VIPR2: variants seen among roughly 807,000 people sequenced by gnomAD.
The protein encoded by VIPR2 is vasoactive intestinal polypeptide receptor 2.
Under a neutral mutation model 58.0 loss-of-function variants are expected in VIPR2, and 48 were observed. That is an observed-to-expected ratio of 0.83 (90% CI 0.66 to 1.05). The LOEUF (loss-of-function observed/expected upper bound fraction) is 1.05, where lower values mean the gene tolerates loss of function less well. Among genes scored for constraint, VIPR2 ranks in the 50% least tolerant of loss-of-function variants. VIPR2 has a pLI of 0.00. For synonymous variants in VIPR2, 243 were observed against 235.2 expected (o/e 1.03, Z -0.30); for missense variants, 534 against 558.0 (o/e 0.96, Z 0.43).
At position 159,127,297 on chromosome 7, in the gene VIPR2, A is replaced by C. The variant is rs180854136; in HGVS notation, c.151+15149T>G. 2.4e-3 allele frequency among the ~76,000 whole-genome samples: 364 copies of C among 152,320 alleles called. 2 individuals carry two copies. The highest frequency in any genetic ancestry group is 8.4e-3 in the African/African-American group (348 of 41,556). On this transcript the variant is annotated intron_variant, in intron 2 of 12. Transcript: ENST00000262178. The surrounding 1 kb of genome is among the most constrained non-coding windows in gnomAD (Gnocchi z 4.6). Reference sequence around the variant, plus strand: ...ATCACAGCAGAATTCTGAATTTCAGAAACAGCGGTTTGATTCTGGGTTGGG... The same window carrying C: ...ATCACAGCAGAATTCTGAATTTCAGCAACAGCGGTTTGATTCTGGGTTGGG...
chr7:159,126,542 C>G (rs141819683), intron 2 of VIPR2, among the ~76,000 whole-genome samples: 9 of 152,194 alleles, frequency 5.9e-5, no homozygotes, highest in Non-Finnish European at 1.3e-4. Context: ...AAGGAGCATG[C>G]CCTGGAATGC....
At chr7:159,082,692 G>A (rs978094442) in intron 4 of VIPR2, among the ~76,000 whole-genome samples, 1 of 152,162 alleles carries the variant, frequency 6.6e-6, no homozygotes, top group African/African-American at 2.4e-5. Flanking sequence ...ATTTCCTTTG[G>A]GTTTCTAAGG....
chr7:159,061,702 C>A (rs189649378), intron 4 of VIPR2, among the ~76,000 whole-genome samples: 84 of 152,292 alleles, frequency 5.5e-4, no homozygotes, highest in African/African-American at 1.9e-3. Flanking sequence ...ATCCATACTT[C>A]CACCCTTACT....
chr7:159,081,993 A>C (rs1242883053), intron 4 of VIPR2, among the ~76,000 whole-genome samples: 3 of 152,230 alleles, frequency 2.0e-5, no homozygotes, highest in Non-Finnish European at 4.4e-5. Flanking sequence ...GTGGAGAAAT[A>C]GGAACACTTT....
At chr7:159,143,562 C>T (rs562097054) in intron 1 of VIPR2, among the ~76,000 whole-genome samples, 1 of 152,306 alleles carries the variant, frequency 6.6e-6, no homozygotes, top group East Asian at 1.9e-4. Flanking sequence ...CCACCTTCAG[C>T]CCCATTTAAA....
chr7:159,122,586 C>T (rs1796495694), intron 2 of VIPR2, among the ~76,000 whole-genome samples: 1 of 152,166 alleles, frequency 6.6e-6, no homozygotes, highest in African/African-American at 2.4e-5. Flanking sequence ...TTTCTGAGTC[C>T]CTGCCTCTAA....
intron 7 of VIPR2, among the ~76,000 whole-genome samples, chr7:159,036,243 C>T (rs1177052000): frequency 6.6e-6 from 1 of 152,226 alleles, no homozygotes; most frequent in African/African-American, 2.4e-5. Context: ...TGCCATTCCT[C>T]ATGAGAAGGG....
rs1225184714 is a variant in VIPR2 at position 159,035,964 on chromosome 7, A to G, written c.797T>C (p.Leu266Ser). 1 of 1,613,584 alleles carries G rather than the reference A, an allele frequency of 6.2e-7. No individual in the cohort carries two copies. The highest frequency in any genetic ancestry group is 1.7e-5 in the Admixed American group (1 of 59,978). ...GTCATGGACTCACCCGGTGTCTTCT[A>G]AGTAGAGCCTGGCCGCAGTCCATGC... ...IGAWTAARLY[L>S]EDTGCWDTND... The change falls in exon 8 of 13, where the codon TTA becomes TCA. Residue 266 changes from leucine to serine, a missense_variant. Leu to Ser is a moderately radical substitution (Grantham distance 145). This residue lies in a region of VIPR2 where 306 missense variants were observed against 285.8 expected (regional missense o/e 1.07). Coordinates refer to ENST00000262178, the MANE Select transcript of VIPR2 (RefSeq NM_003382.5).
At position 159,126,816 on chromosome 7, in the gene VIPR2, ATTCG is replaced by A. The variant is rs560159067; in HGVS notation, c.151+15626_151+15629del. On this transcript the variant is annotated intron_variant, in intron 2 of 12. Coordinates refer to ENST00000262178, the MANE Select transcript of VIPR2 (RefSeq NM_003382.5). ...TTTCTTCTACTTGGCAGTAATGAGC[ATTCG>A]TTTCTCCAGCAAACGTTTACTGAGC... Among the ~76,000 whole-genome samples the A allele has an allele frequency of 8.0e-4, 122 of 152,354 alleles. 7 individuals carry two copies. The South Asian group carries it at 0.024, about 30-fold the overall frequency.
At position 159,127,147 on chromosome 7, in the gene VIPR2, C is replaced by T. The variant is rs556964491; in HGVS notation, c.151+15299G>A. Among the ~76,000 whole-genome samples, 11 of 152,338 alleles carry T rather than the reference C, an allele frequency of 7.2e-5. No homozygotes were observed. The highest frequency in any genetic ancestry group is 2.1e-4 in the South Asian group (1 of 4,824). ...GGATTTTCTTCAGATGACTCAGATA[C>T]GCTGACATTCTGTCTAATTAGTGCG... On this transcript the variant is annotated intron_variant, in intron 2 of 12. Coordinates refer to ENST00000262178, the MANE Select transcript of VIPR2 (RefSeq NM_003382.5). The surrounding 1 kb of genome is among the most constrained non-coding windows in gnomAD (Gnocchi z 4.6).
intron 5 of VIPR2, among the ~76,000 whole-genome samples, chr7:159,049,319 A>C (rs1404908395): frequency 1.3e-5 from 2 of 152,234 alleles, no homozygotes; most frequent in Non-Finnish European, 2.9e-5. Flanking sequence ...TCAGGAAAGG[A>C]TCAGGGTGAT....
chr7:159,123,106 A>G (rs1208087471), intron 2 of VIPR2, among the ~76,000 whole-genome samples: 1 of 152,034 alleles, frequency 6.6e-6, no homozygotes, highest in East Asian at 1.9e-4. Context: ...CATCCTGGCT[A>G]ACATGGTGAA....
intron 6 of VIPR2, among the ~76,000 whole-genome samples, chr7:159,040,146 A>C (rs569646440): frequency 6.6e-6 from 1 of 152,318 alleles, no homozygotes; most frequent in Non-Finnish European, 1.5e-5. Context: ...GGGGAATGAC[A>C]AGGCCTCTAC....
chr7:159,046,042 G>GTAA (rs1227652679), intron 5 of VIPR2, among the ~76,000 whole-genome samples: 1 of 151,828 alleles, frequency 6.6e-6, no homozygotes, highest in Admixed American at 6.6e-5. Context: ...GATGGCAATA[G>GTAA]TAATAATAAT....
chr7:159,054,811 G>T (rs1585373851), intron 5 of VIPR2, among the ~76,000 whole-genome samples: 1 of 152,060 alleles, frequency 6.6e-6, no homozygotes, highest in African/African-American at 2.4e-5. Flanking sequence ...CATATTTATG[G>T]GGTATACTTT....
chr7:159,046,364 A>ATC (rs1854648851), intron 5 of VIPR2, among the ~76,000 whole-genome samples: 2 of 152,228 alleles, frequency 1.3e-5, no homozygotes, highest in Non-Finnish European at 2.9e-5. Flanking sequence ...TATCCATACA[A>ATC]CTAAATACTA....
chr7:159,112,082 T>C lies in VIPR2; in HGVS notation c.152-2163A>G, dbSNP rs556670580. ...CATAATACAAATTATAATGCAATAA[T>C]TATATACTGTATAATACTAATTGCT... On this transcript the variant is annotated intron_variant, in intron 2 of 12. Coordinates refer to ENST00000262178, the MANE Select transcript of VIPR2 (RefSeq NM_003382.5). Among the ~76,000 whole-genome samples, 7 of 152,352 alleles carry C rather than the reference T, an allele frequency of 4.6e-5. No homozygotes were observed. In the South Asian group the frequency reaches 1.5e-3, roughly 32 times the overall value.
At chr7:159,138,506 CG>C (rs1270125830) in intron 2 of VIPR2, among the ~76,000 whole-genome samples, 17 of 152,176 alleles carry the variant, frequency 1.1e-4, no homozygotes, top group Non-Finnish European at 7.3e-5. Context: ...AAAATACTGT[CG>C]GCTACCTAAA....
chr7:159,139,227 A>G (rs2129498109), intron 2 of VIPR2, among the ~76,000 whole-genome samples: 1 of 152,368 alleles, frequency 6.6e-6, no homozygotes, highest in South Asian at 2.1e-4. Context: ...GATAATTACA[A>G]TACCATCTCT....
Sources: gnomAD v4.1 joint callset for allele counts (sites outside exome capture counted in the v4.1 genomes callset) on GRCh38, gnomAD v4.1.1 for gene constraint, gnomAD v4.1.1 regional missense constraint, Gnocchi (gnomAD v3.1) non-coding constraint, MANE v1.5 for transcripts, NCBI Gene and HGNC (gene_info 2026-07-23, HGNC 2026-07-21) for gene names.